The following AXDND1 variants were observed in gnomAD, a reference collection of about 807,000 sequenced individuals.
AXDND1 encodes axonemal dynein light chain domain-containing protein 1.
AXDND1 carries 110 observed loss-of-function variants against 137.5 expected under a neutral mutation model. The observed-to-expected ratio is 0.80, with a 90% CI of 0.69 to 0.94. The LOEUF (loss-of-function observed/expected upper bound fraction) is 0.94, where lower values mean the gene tolerates loss of function less well. Among genes scored for constraint, AXDND1 ranks in the 40% least tolerant of loss-of-function variants. AXDND1 has a pLI of 0.00. For missense variants in AXDND1, 1,191 were observed against 1,169.8 expected, an observed-to-expected ratio of 1.02 and a Z score of -0.26; for synonymous variants, 414 against 399.7, an observed-to-expected ratio of 1.04 and a Z score of -0.43.
At chr1:179,511,143 G>T (rs1669006975) in intron 21 of AXDND1, among the ~76,000 whole-genome samples, 1 of 151,686 alleles carries the variant, frequency 6.6e-6, no homozygotes, top group Admixed American at 6.6e-5. Context: ...TTCCAGCCTG[G>T]GCGACAGAGT....
intron 21 of AXDND1, among the ~76,000 whole-genome samples, chr1:179,521,527 G>C (rs913462636): frequency 8.6e-5 from 13 of 151,804 alleles, no homozygotes; most frequent in African/African-American, 3.1e-4. Flanking sequence ...TCCTTTTCTT[G>C]TTTCTGACTT....
rs145436302 is a variant in AXDND1, at chr1:179,484,803, A to G, written c.2091+1582A>G. Among the ~76,000 whole-genome samples the G allele has an allele frequency of 5.4e-3, 820 of 152,088 alleles. 4 individuals carry two copies. The highest frequency in any genetic ancestry group is 0.017 in the Middle Eastern group (5 of 294). On this transcript the variant is annotated intron_variant, in intron 18 of 25. Transcript: ENST00000367618. ...ACTGCTGCCACTGTGAGTGCATCAC[A>G]CTCCCCACCCCATAACCAATGCAAA... is the stretch of plus-strand genomic sequence containing the variant.
chr1:179,473,736 G>T (rs937431346), intron 17 of AXDND1, among the ~76,000 whole-genome samples: 1 of 152,130 alleles, frequency 6.6e-6, no homozygotes, highest in Non-Finnish European at 1.5e-5. Context: ...CCCCCACGCT[G>T]TTCTCATGAG....
intron 16 of AXDND1, among the ~76,000 whole-genome samples, chr1:179,466,824 T>G (rs930881237): frequency 1.3e-5 from 2 of 152,190 alleles, no homozygotes; most frequent in Non-Finnish European, 2.9e-5. Context: ...AAGAAGGATT[T>G]TACTTTTTAT....
In AXDND1 at chr1:179,401,328, T is replaced by C. The variant is rs1309004662; in HGVS notation, c.1109+6126T>C. 2.6e-5 allele frequency among the ~76,000 whole-genome samples: 4 copies of C among 151,700 alleles called. No homozygotes were observed. The East Asian group carries it at 7.7e-4, about 29-fold the overall frequency. On this transcript the variant is annotated intron_variant, in intron 11 of 25. Transcript: ENST00000367618. Reference sequence around the variant, plus strand: ...TTTTACTTCATAAATTAGCTAGATATTAAAATTTTACCAAGTTTTTCCAAA... The same window carrying C: ...TTTTACTTCATAAATTAGCTAGATACTAAAATTTTACCAAGTTTTTCCAAA...
intron 25 of AXDND1, among the ~76,000 whole-genome samples, chr1:179,535,686 G>A (rs1426077519): frequency 2.0e-5 from 3 of 152,000 alleles, no homozygotes; most frequent in Admixed American, 6.6e-5. Context: ...ATAAACATAC[G>A]TGTACATGTG....
At chr1:179,487,490 A>G (rs1435700711) in intron 18 of AXDND1, among the ~76,000 whole-genome samples, 2 of 103,590 alleles carry the variant, frequency 1.9e-5, no homozygotes, top group African/African-American at 3.3e-5. Flanking sequence ...GGTTCAAAAA[A>G]CTGATTGAAA....
At chr1:179,518,630 A>G (rs1669778100) in intron 21 of AXDND1, among the ~76,000 whole-genome samples, 1 of 152,130 alleles carries the variant, frequency 6.6e-6, no homozygotes, top group Non-Finnish European at 1.5e-5. Flanking sequence ...TTAACAGGGA[A>G]AATGTAGTAT....
intron 11 of AXDND1, among the ~76,000 whole-genome samples, chr1:179,410,007 G>T (rs1653616057): frequency 6.6e-6 from 1 of 151,976 alleles, no homozygotes; most frequent in Non-Finnish European, 1.5e-5. Flanking sequence ...GATAATTGAG[G>T]TCTAATTTTT....
At chr1:179,517,476 C>T (rs1401124726) in intron 21 of AXDND1, among the ~76,000 whole-genome samples, 3 of 152,202 alleles carry the variant, frequency 2.0e-5, no homozygotes. Context: ...AGGCACCTCG[C>T]CCGATTCAAA....
chr1:179,546,965 C>T (rs1473802262), intron 25 of AXDND1, among the ~76,000 whole-genome samples: 2 of 152,194 alleles, frequency 1.3e-5, no homozygotes, highest in African/African-American at 2.4e-5. Context: ...CTGCACTTTC[C>T]TCTTGTCCTT....
At chr1:179,483,064 C>A (rs1572028307) in intron 17 of AXDND1, 64 bp from the exon 18 acceptor site, 1 of 1,084,982 alleles carries the variant, frequency 9.2e-7, no homozygotes, top group Non-Finnish European at 1.3e-6. Flanking sequence ...TTTCTCATAG[C>A]TGATAGTTAC....
intron 16 of AXDND1, chr1:179,450,105 G>A (rs112784417): frequency 0.047 from 6,903 of 146,708 alleles, 233 homozygotes; most frequent in Non-Finnish European, 0.07. Flanking sequence ...CTGGGTTCAA[G>A]CGATTCTCCT....
intron 16 of AXDND1, among the ~76,000 whole-genome samples, chr1:179,461,185 G>A (rs867757284): frequency 6.6e-6 from 1 of 152,102 alleles, no homozygotes; most frequent in Non-Finnish European, 1.5e-5. Context: ...ATGGTTTTAG[G>A]TCTAACATTT....
chr1:179,418,949 C>A (rs190056003), intron 12 of AXDND1, among the ~76,000 whole-genome samples: 9 of 151,338 alleles, frequency 5.9e-5, no homozygotes, highest in Admixed American at 6.6e-5. Context: ...GGGTCGCCGC[C>A]GGGCAGAGGC....
chr1:179,503,261 GTC>G (rs1404403011), intron 20 of AXDND1, among the ~76,000 whole-genome samples: 9 of 152,002 alleles, frequency 5.9e-5, no homozygotes, highest in African/African-American at 2.2e-4. Context: ...TGTATTTTAT[GTC>G]TCTCTGTATG....
chr1:179,455,967 C>T (rs1661348469), intron 16 of AXDND1: 1 of 239,700 alleles, frequency 4.2e-6, no homozygotes, highest in Non-Finnish European at 8.3e-6. Flanking sequence ...AAAAAAAAAA[C>T]TACATTAAAA....
chr1:179,472,761 T>C (rs1000050223), intron 17 of AXDND1, among the ~76,000 whole-genome samples: 3 of 152,212 alleles, frequency 2.0e-5, no homozygotes, highest in Non-Finnish European at 4.4e-5. Flanking sequence ...TCCTTATTTT[T>C]AGTAACTTTT....
intron 22 of AXDND1, among the ~76,000 whole-genome samples, chr1:179,525,794 C>CATATAT (rs35491447): frequency 1.6e-4 from 23 of 141,302 alleles, no homozygotes; most frequent in African/African-American, 4.6e-4. Context: ...ATGCTTGGAC[C>CATATAT]ATATATATAT....
Sources: gnomAD v4.1 joint callset for allele counts (sites outside exome capture counted in the v4.1 genomes callset) on GRCh38, gnomAD v4.1.1 for gene constraint, MANE v1.5 for transcripts, NCBI Gene and HGNC (gene_info 2026-07-23, HGNC 2026-07-21) for gene names.